Variants in PHF3 observed in about 807,000 individuals in gnomAD.
The protein encoded by PHF3 is PHD finger protein 3.
Under a neutral mutation model 178.4 loss-of-function variants are expected in PHF3, and 41 were observed. The observed-to-expected ratio is 0.23, with a 90% CI of 0.18 to 0.30. The LOEUF (loss-of-function observed/expected upper bound fraction) is 0.30. Ranked by LOEUF, PHF3 falls within the 10% of genes least tolerant of loss-of-function variation. PHF3 has a pLI of 1.00. For synonymous variants in PHF3, 842 were observed against 800.5 expected, an observed-to-expected ratio of 1.05 and a Z score of -0.88; for missense variants, 2,346 against 2,398.1, an observed-to-expected ratio of 0.98 and a Z score of 0.45.
rs763252425 is a variant in PHF3 at position 63,694,588 on chromosome 6, G to A, written c.2504G>A (p.Gly835Asp). The change falls in exon 6 of 16, where the codon GGT becomes GAT. Residue 835 changes from glycine (G) to aspartate (D), a missense_variant. Transcript: ENST00000262043. Reference protein sequence around the residue: ...HKVKILKRESGEGRNSSDCRD... With the variant: ...HKVKILKRESDEGRNSSDCRD... The stretch of plus-strand genomic sequence containing the variant: ...TAAGTACTCATTTTCCAGGAGTCTG[G>A]TGAAGGCAGAAATTCATCAGACTGT... 97 of 1,503,462 alleles carry A rather than the reference G, an allele frequency of 6.5e-5. No homozygotes were observed. Among genetic ancestry groups the A allele is most frequent in the Non-Finnish European group, 8.3e-5 (93 of 1,124,850 alleles). The allele number at this position is 1,503,462 out of a possible 1,614,324, so 93.1% of individuals were successfully genotyped here.
In PHF3 at chr6:63,722,638, G is replaced by A. The variant is rs967025136; in HGVS notation, c.*8930G>A. Among the ~76,000 whole-genome samples, 1 of 152,158 alleles carries A rather than the reference G, an allele frequency of 6.6e-6. No individual in the cohort carries two copies. Among genetic ancestry groups the A allele is most frequent in the Admixed American group, 6.6e-5 (1 of 15,262 alleles). Reference sequence around the variant, plus strand: ...CTTATTAATAATGAACCACGCAGAAGTCTCCACGAAACATTTTCTTCTCCC... The same window carrying A: ...CTTATTAATAATGAACCACGCAGAAATCTCCACGAAACATTTTCTTCTCCC... On this transcript the variant is annotated 3_prime_UTR_variant, in exon 16 of 16. Coordinates refer to ENST00000262043, the MANE Select transcript of PHF3 (RefSeq NM_001370348.2).
chr6:63,697,385 T>C (rs79394287), intron 6 of PHF3, among the ~76,000 whole-genome samples: 1,840 of 152,166 alleles, frequency 0.012, 22 homozygotes, highest in South Asian at 0.032. Context: ...AAGTATGAAA[T>C]AGATATCTTA....
chr6:63,700,624 G>A (rs956338042), intron 9 of PHF3, among the ~76,000 whole-genome samples, 158 bp downstream of exon 9: 1 of 151,616 alleles, frequency 6.6e-6, no homozygotes, highest in Non-Finnish European at 1.5e-5. Context: ...TAGCTCATTC[G>A]CCAGGCTGGA....
intron 2 of PHF3, among the ~76,000 whole-genome samples, chr6:63,672,383 G>T (rs962201414): frequency 6.6e-6 from 1 of 152,078 alleles, no homozygotes; most frequent in Non-Finnish European, 1.5e-5. Context: ...TTAGTGTCTG[G>T]CCAAGTGCCT....
rs373385489 is a variant in PHF3, at chr6:63,711,631, G to T, written c.4043G>T (p.Arg1348Leu). ...RPNLLLGLII[R>L]QKLKRQHSAC... ...AATCTATTGTTGGGCTTAATTATTCGTCAGAAACTGAAGCGACAGCACAGT... is the reference window on the plus strand; with the variant it reads ...AATCTATTGTTGGGCTTAATTATTCTTCAGAAACTGAAGCGACAGCACAGT... Residue 1348 changes from arginine (R) to leucine (L), a missense_variant, in exon 16 of 16, where the codon CGT becomes CTT. Around this residue, in one of 8 missense-constraint regions of PHF3, gnomAD observed 90 missense variants for 136.6 expected, o/e 0.66. Transcript: ENST00000262043. 1 of 1,600,500 alleles carries T rather than the reference G, an allele frequency of 6.2e-7. No homozygotes were observed. The highest frequency in any genetic ancestry group is 8.5e-7 in the Non-Finnish European group (1 of 1,176,652).
At chr6:63,696,959 G>T (rs1339579234) in intron 6 of PHF3, among the ~76,000 whole-genome samples, 1 of 152,072 alleles carries the variant, frequency 6.6e-6, no homozygotes, top group Non-Finnish European at 1.5e-5. Flanking sequence ...GCTGTTTAAA[G>T]AAACAAATGC....
chr6:63,693,826 C>G (rs558893115), intron 5 of PHF3, among the ~76,000 whole-genome samples: 1 of 152,004 alleles, frequency 6.6e-6, no homozygotes, highest in Non-Finnish European at 1.5e-5. Flanking sequence ...TTTTCTTATC[C>G]CTAGATTTTT....
intron 1 of PHF3, 60 bp from the exon 2 acceptor site, chr6:63,646,467 A>G: frequency 8.7e-7 from 1 of 1,150,118 alleles, no homozygotes; most frequent in Non-Finnish European, 1.2e-6. Context: ...ATAATTTGGT[A>G]TTAGGTGATT....
intron 2 of PHF3, among the ~76,000 whole-genome samples, chr6:63,662,770 A>G (rs962905386): frequency 1.4e-4 from 22 of 152,252 alleles, no homozygotes; most frequent in Admixed American, 1.4e-3. Flanking sequence ...AGAACGATAA[A>G]TTGTCATGGA....
intron 2 of PHF3, among the ~76,000 whole-genome samples, chr6:63,677,012 C>G (rs1582056402): frequency 6.6e-6 from 1 of 152,228 alleles, no homozygotes; most frequent in African/African-American, 2.4e-5. Flanking sequence ...TAGAATTGAA[C>G]TAGGTGATTT....
Position 63,711,754 on chromosome 6 carries a change from A to T in PHF3, c.4166A>T (p.Glu1389Val). 1 of 1,613,676 alleles carries T rather than the reference A, an allele frequency of 6.2e-7. No individual in the cohort carries two copies. Among genetic ancestry groups the T allele is most frequent in the South Asian group, 1.1e-5 (1 of 91,026 alleles). Residue 1389 changes from glutamate to valine, a missense_variant, in exon 16 of 16, where the codon GAA (glutamate) becomes GTA (valine). Physicochemically the swap from Glu to Val is moderately radical, Grantham distance 121. Coordinates refer to ENST00000262043, the MANE Select transcript of PHF3 (RefSeq NM_001370348.2). ...AAAAGTAAAATAGAAGTTTCTACAG[A>T]AGAAGCACCAGAGGAAGAAAATGAC... is the stretch of plus-strand genomic sequence containing the variant. ...DKKSKIEVST[E>V]EAPEEENDFF...
rs1210945408 is a variant in PHF3, at chr6:63,716,648, A to G, written c.*2940A>G. Among the ~76,000 whole-genome samples, 1 of 151,792 alleles carries G rather than the reference A, an allele frequency of 6.6e-6. No individual in the cohort carries two copies. Among genetic ancestry groups the G allele is most frequent in the Non-Finnish European group, 1.5e-5 (1 of 67,944 alleles). ...ATCAAGGTGTCAGCAAGATGCATTCATTTTCTGGAGACTTTCAGGGAGATT... is the reference window on the plus strand; with the variant it reads ...ATCAAGGTGTCAGCAAGATGCATTCGTTTTCTGGAGACTTTCAGGGAGATT... On this transcript the variant is annotated 3_prime_UTR_variant, in exon 16 of 16. Transcript: ENST00000262043.
chr6:63,706,632 G>T (rs1428840760), intron 12 of PHF3, 97 bp from the exon 13 acceptor site: 11 of 1,076,462 alleles, frequency 1.0e-5, no homozygotes, highest in Non-Finnish European at 1.3e-5. Flanking sequence ...TCATATTTTG[G>T]CCTTCTTCAC....
At chr6:63,681,144 A>G (rs989916742) in intron 3 of PHF3, among the ~76,000 whole-genome samples, 40 of 151,890 alleles carry the variant, frequency 2.6e-4, no homozygotes, top group African/African-American at 9.7e-4. Context: ...GTGTTGCTCC[A>G]TTTTTTTCTA....
Position 63,713,715 on chromosome 6 carries a change from C to G in PHF3, c.*7C>G, listed in dbSNP as rs756211050. The G allele has an allele frequency of 6.5e-7, 1 of 1,533,412 alleles. No homozygotes were observed. The highest frequency in any genetic ancestry group is 8.7e-7 in the Non-Finnish European group (1 of 1,145,966). The allele number at this position is 1,533,412 out of a possible 1,614,324, so 95.0% of individuals were successfully genotyped here. ...AACTAAAAGCAAAAGGTAAAATTTG[C>G]AGGCTGCTTCAGGATTACATTTAAA... is the stretch of plus-strand genomic sequence containing the variant. On this transcript the variant is annotated 3_prime_UTR_variant, in exon 16 of 16. Coordinates refer to ENST00000262043, the MANE Select transcript of PHF3 (RefSeq NM_001370348.2).
intron 2 of PHF3, among the ~76,000 whole-genome samples, chr6:63,670,056 C>T (rs1765845272): frequency 6.6e-6 from 1 of 151,820 alleles, no homozygotes; most frequent in African/African-American, 2.4e-5. Flanking sequence ...CGTTTTTATA[C>T]TCTTAAAAGG....
chr6:63,694,023 C>T (rs1420705006), intron 5 of PHF3, among the ~76,000 whole-genome samples: 1 of 152,148 alleles, frequency 6.6e-6, no homozygotes, highest in African/African-American at 2.4e-5. Flanking sequence ...TATTTTAAAA[C>T]CTGAGTATAT....
intron 4 of PHF3, among the ~76,000 whole-genome samples, chr6:63,690,930 A>G (rs1391516334): frequency 6.6e-5 from 10 of 152,164 alleles, no homozygotes; most frequent in Admixed American, 6.5e-4. Flanking sequence ...TGGTTAGTGA[A>G]GTTATTACTT....
intron 13 of PHF3, among the ~76,000 whole-genome samples, 184 bp downstream of exon 13, chr6:63,707,060 C>G (rs1388132777): frequency 6.6e-6 from 1 of 152,162 alleles, no homozygotes; most frequent in African/African-American, 2.4e-5. Context: ...AAACTATTCT[C>G]TGAAAGTTTT....
Sources: gnomAD v4.1 joint callset for allele counts (sites outside exome capture counted in the v4.1 genomes callset) on GRCh38, gnomAD v4.1.1 for gene constraint, gnomAD v4.1.1 regional missense constraint, MANE v1.5 for transcripts, NCBI Gene and HGNC (gene_info 2026-07-23, HGNC 2026-07-21) for gene names.